The following SEMA3D variants were observed in gnomAD, a reference collection of about 807,000 sequenced individuals.
The protein encoded by SEMA3D is semaphorin-3D.
A neutral mutation model predicts 100.1 loss-of-function variants in SEMA3D; 84 were observed. The ratio of observed to expected loss-of-function variants is 0.84; its 90% CI spans 0.70 to 1.01. SEMA3D has a LOEUF of 1.01. SEMA3D is among the 50% of genes least tolerant of loss of function. The pLI is 0.00. For synonymous variants in SEMA3D, 312 were observed against 320.7 expected (o/e 0.97, Z 0.29); for missense variants, 875 against 934.1 (o/e 0.94, Z 0.82).
chr7:85,099,476 T>A (rs934353003), intron 3 of SEMA3D, among the ~76,000 whole-genome samples: 9 of 151,878 alleles, frequency 5.9e-5, no homozygotes, highest in Non-Finnish European at 1.2e-4. Context: ...AATTACCTAA[T>A]CTCAGGTATG....
At chr7:85,001,307 C>T (rs1004408603) in intron 18 of SEMA3D, among the ~76,000 whole-genome samples, 5 of 152,064 alleles carry the variant, frequency 3.3e-5, no homozygotes, top group Non-Finnish European at 5.9e-5. Context: ...TCTTATGTTG[C>T]CTATTTGGTA....
chr7:85,014,968 C>T, intron 16 of SEMA3D, 91 bp downstream of exon 16: 1 of 897,792 alleles, frequency 1.1e-6, no homozygotes, highest in Non-Finnish European at 1.7e-6. Flanking sequence ...AATATATTTT[C>T]TCTTTAACTT....
chr7:85,197,680 T>A, the SEMA3D span, among the ~76,000 whole-genome samples: 1 of 152,268 alleles, frequency 6.6e-6, no homozygotes, highest in East Asian at 1.9e-4. Context: ...CTTAAAATAT[T>A]TTACAGACTT....
At chr7:85,204,996 C>A in the SEMA3D span, among the ~76,000 whole-genome samples, 1 of 151,982 alleles carries the variant, frequency 6.6e-6, no homozygotes, top group Non-Finnish European at 1.5e-5. Flanking sequence ...ACGTGAGATG[C>A]TATCTCAATG....
At chr7:85,159,166 T>C (rs894782202) in intron 1 of SEMA3D, among the ~76,000 whole-genome samples, 30 of 152,134 alleles carry the variant, frequency 2.0e-4, no homozygotes, top group Admixed American at 2.0e-3. Context: ...CAGCTAAAAA[T>C]TTGTAACCTA....
chr7:85,066,119 T>C (rs964380164), intron 7 of SEMA3D, among the ~76,000 whole-genome samples: 5 of 152,190 alleles, frequency 3.3e-5, no homozygotes, highest in African/African-American at 7.2e-5. Flanking sequence ...ACAGGAATTC[T>C]TGAAAGGGGA....
chr7:85,003,979 T>G (rs1265516666), intron 18 of SEMA3D, among the ~76,000 whole-genome samples: 10 of 152,134 alleles, frequency 6.6e-5, no homozygotes, highest in Non-Finnish European at 1.3e-4. Context: ...ATTTTACTTC[T>G]AAGATTTTTT....
intron 2 of SEMA3D, among the ~76,000 whole-genome samples, chr7:85,152,986 T>C: frequency 6.6e-6 from 1 of 152,120 alleles, no homozygotes. Flanking sequence ...TAAATAACTA[T>C]TTGCAGATGA....
upstream of SEMA3D, among the ~76,000 whole-genome samples, chr7:85,191,927 A>G (rs1791700367): frequency 6.6e-6 from 1 of 152,188 alleles, no homozygotes; most frequent in African/African-American, 2.4e-5. Flanking sequence ...ATCAGTTTCC[A>G]CAAATGGGAG....
intron 17 of SEMA3D, among the ~76,000 whole-genome samples, chr7:85,010,520 T>C (rs970882648): frequency 1.3e-5 from 2 of 151,618 alleles, no homozygotes; most frequent in African/African-American, 4.8e-5. Flanking sequence ...GTGGGTATGA[T>C]GAGAAGTAGG....
At chr7:85,113,500 C>T (rs1049046081) in intron 3 of SEMA3D, among the ~76,000 whole-genome samples, 1 of 151,524 alleles carries the variant, frequency 6.6e-6, no homozygotes, top group Non-Finnish European at 1.5e-5. Context: ...GGGCCGGGCG[C>T]GGTGGTTCAT....
At position 85,052,348 on chromosome 7, in the gene SEMA3D, ACTT is replaced by A. The variant is rs751263222; in HGVS notation, c.861+3366_861+3368del. On this transcript the variant is annotated intron_variant, in intron 9 of 18. Transcript: ENST00000284136. ...TCACACTGACTAACATGGAAACAAA[ACTT>A]CTTATCAACCAACTTACCACTCTAA... Among the ~76,000 whole-genome samples, 33 of 152,080 alleles carry A rather than the reference ACTT, an allele frequency of 2.2e-4. No individual in the cohort carries two copies. The East Asian group carries it at 5.8e-3, about 27-fold the overall frequency.
the SEMA3D span, among the ~76,000 whole-genome samples, chr7:85,248,649 A>G: frequency 1.3e-5 from 2 of 152,198 alleles, no homozygotes; most frequent in African/African-American, 4.8e-5. Context: ...AGCACTGAAA[A>G]GCCATGAGCT....
chr7:85,088,080 C>T (rs1284926234), intron 4 of SEMA3D, among the ~76,000 whole-genome samples: 1 of 151,662 alleles, frequency 6.6e-6, no homozygotes, highest in Non-Finnish European at 1.5e-5. Context: ...ACTTTTTGTC[C>T]TTTTAATATT....
At chr7:85,168,869 G>GAAAGAAAGAAAGA (rs1791001501) in intron 1 of SEMA3D, among the ~76,000 whole-genome samples, 1 of 114,088 alleles carries the variant, frequency 8.8e-6, no homozygotes, top group Non-Finnish European at 1.9e-5. Flanking sequence ...AAGAAAGAAA[G>GAAAGAAAGAAAGA]AAAGAAAGAA....
chr7:84,999,808 GC>G lies in SEMA3D; in HGVS notation c.1965del (p.Leu655PhefsTer22), dbSNP rs977591837. On this transcript the variant is annotated frameshift_variant, in exon 19 of 19. Transcript: ENST00000284136. LOFTEE classifies it high-confidence loss of function. ...TAATACATCCCAGAATCCTTCTTCT[GC>G]AAACTTCGAATCAGTAGCCCATATT... ...KTEYGLLIRS[L>X]QKKDSGMYYC... 2 of 1,613,790 alleles carry G rather than the reference GC, an allele frequency of 1.2e-6. No individual in the cohort carries two copies. The highest frequency in any genetic ancestry group is 1.3e-5 in the African/African-American group (1 of 74,878).
intron 12 of SEMA3D, among the ~76,000 whole-genome samples, chr7:85,025,137 A>G (rs1368400006): frequency 2.6e-5 from 4 of 152,016 alleles, no homozygotes; most frequent in African/African-American, 7.2e-5. Context: ...AGCCCACCTG[A>G]ACATACCATA....
the SEMA3D span, among the ~76,000 whole-genome samples, chr7:85,247,434 A>C: frequency 2.0e-5 from 3 of 152,240 alleles, no homozygotes; most frequent in African/African-American, 7.2e-5. Flanking sequence ...AGATTTCTTA[A>C]CTAAGACATC....
At chr7:85,053,443 C>A (rs1301861806) in intron 9 of SEMA3D, among the ~76,000 whole-genome samples, 2 of 151,810 alleles carry the variant, frequency 1.3e-5, no homozygotes, top group African/African-American at 2.4e-5. Flanking sequence ...TCAAAATAAT[C>A]TTTTTTATGT....
Sources: allele counts gnomAD v4.1 joint callset (sites outside exome capture counted in the v4.1 genomes callset), GRCh38; gene constraint gnomAD v4.1.1; transcripts MANE v1.5; gene names NCBI Gene and HGNC (gene_info 2026-07-23, HGNC 2026-07-21).